The following PBX3 variants were observed in gnomAD, a reference collection of about 807,000 sequenced individuals.
PBX3 encodes PBX homeobox 3, also known as pre-B-cell leukemia transcription factor 3.
A neutral mutation model predicts 48.5 loss-of-function variants in PBX3; 14 were observed. The observed-to-expected ratio is 0.29, with a 90% CI of 0.19 to 0.45. The LOEUF (loss-of-function observed/expected upper bound fraction) is 0.45. Ranked by LOEUF, PBX3 falls within the 20% of genes least tolerant of loss-of-function variation. The pLI is 1.00. For missense variants in PBX3, 386 were observed against 546.7 expected (o/e 0.71, Z 2.93); for synonymous variants, 210 against 200.3 (o/e 1.05, Z -0.41).
At chr9:125,850,872 G>C (rs1431043536) in intron 2 of PBX3, among the ~76,000 whole-genome samples, 1 of 152,042 alleles carries the variant, frequency 6.6e-6, no homozygotes. Flanking sequence ...GGGTGTTAAA[G>C]AGCCGACAGC....
chr9:125,905,297 G>A (rs995610988), intron 2 of PBX3, among the ~76,000 whole-genome samples: 1 of 151,830 alleles, frequency 6.6e-6, no homozygotes, highest in Non-Finnish European at 1.5e-5. Context: ...CCTTTATGCC[G>A]CCAATATCCA....
intron 2 of PBX3, among the ~76,000 whole-genome samples, chr9:125,790,812 T>C (rs1837580572): frequency 6.6e-6 from 1 of 152,236 alleles, no homozygotes; most frequent in Admixed American, 6.5e-5. Context: ...AGTGATCCTC[T>C]CAAAGTGTTG....
chr9:125,912,641 TA>T (rs1183843605), intron 2 of PBX3, among the ~76,000 whole-genome samples: 1 of 152,170 alleles, frequency 6.6e-6, no homozygotes, highest in Non-Finnish European at 1.5e-5. Flanking sequence ...AAATAGGGTT[TA>T]TTTTTTAAAC....
At chr9:125,940,659 T>G (rs367763144) in intron 5 of PBX3, among the ~76,000 whole-genome samples, 2 of 152,338 alleles carry the variant, frequency 1.3e-5, no homozygotes, top group Non-Finnish European at 2.9e-5. Context: ...GGAATGTTAT[T>G]TAACAATGAG....
chr9:125,763,196 G>A (rs1021776809), intron 2 of PBX3, among the ~76,000 whole-genome samples: 3 of 152,170 alleles, frequency 2.0e-5, no homozygotes, highest in African/African-American at 7.2e-5. Flanking sequence ...TCTTTGAAAT[G>A]CCCTTTGTGG....
At chr9:125,748,985 G>A (rs1836290644) in intron 2 of PBX3, 1 of 195,380 alleles carries the variant, frequency 5.1e-6, no homozygotes, top group Non-Finnish European at 1.1e-5. Flanking sequence ...CCAGGACCGA[G>A]TCCCCGGGAG....
chr9:125,752,631 T>C (rs1836406540), intron 2 of PBX3, among the ~76,000 whole-genome samples: 2 of 152,294 alleles, frequency 1.3e-5, no homozygotes, highest in Middle Eastern at 3.4e-3. Context: ...GGAGTCTTTT[T>C]TTGGTGTGCT....
intron 3 of PBX3, among the ~76,000 whole-genome samples, chr9:125,926,471 G>T (rs1325127736): frequency 1.3e-5 from 2 of 152,018 alleles, no homozygotes; most frequent in African/African-American, 4.8e-5. Context: ...AGTGAACCAA[G>T]ATCATGCCAC....
At chr9:125,960,947 AGTGG>A in intron 6 of PBX3, 98 bp downstream of exon 6, 1 of 1,227,842 alleles carries the variant, frequency 8.1e-7, no homozygotes, top group South Asian at 1.5e-5. Flanking sequence ...CTGAGGACAG[AGTGG>A]ACTTAAAAAG....
intron 2 of PBX3, among the ~76,000 whole-genome samples, chr9:125,773,348 G>A (rs1333969732): frequency 6.6e-6 from 1 of 152,178 alleles, no homozygotes; most frequent in Non-Finnish European, 1.5e-5. Flanking sequence ...TAGCCTGGAT[G>A]TCCTTTCAGA....
At chr9:125,944,405 G>A (rs944757392) in intron 5 of PBX3, among the ~76,000 whole-genome samples, 2 of 152,182 alleles carry the variant, frequency 1.3e-5, no homozygotes, top group Admixed American at 6.5e-5. Flanking sequence ...CCTACTATAT[G>A]TCAGGCACTA....
intron 2 of PBX3, among the ~76,000 whole-genome samples, chr9:125,752,797 T>C (rs1274408436): frequency 1.3e-5 from 2 of 152,256 alleles, no homozygotes; most frequent in South Asian, 2.1e-4. Context: ...AATGTTATTA[T>C]ATATTTTGCA....
At chr9:125,787,901 G>A (rs1837500265) in intron 2 of PBX3, among the ~76,000 whole-genome samples, 1 of 152,170 alleles carries the variant, frequency 6.6e-6, no homozygotes, top group Non-Finnish European at 1.5e-5. Flanking sequence ...GAGCTTGTGT[G>A]TCAAAGTGAA....
intron 2 of PBX3, among the ~76,000 whole-genome samples, chr9:125,891,631 CTTT>C (rs1840645624): frequency 6.6e-6 from 1 of 152,142 alleles, no homozygotes; most frequent in African/African-American, 2.4e-5. Context: ...AGTTTGTTTT[CTTT>C]TAAGCCTTAG....
At chr9:125,758,827 T>TAA (rs57746660) in intron 2 of PBX3, among the ~76,000 whole-genome samples, 1 of 152,022 alleles carries the variant, frequency 6.6e-6, no homozygotes, top group African/African-American at 2.4e-5. Flanking sequence ...TGCATTTCTT[T>TAA]AAAAAAAATT....
intron 2 of PBX3, among the ~76,000 whole-genome samples, chr9:125,873,026 C>T (rs1372221969): frequency 6.6e-6 from 1 of 151,544 alleles, no homozygotes; most frequent in Non-Finnish European, 1.5e-5. Flanking sequence ...TGTGAAACCC[C>T]GTCTCTACTA....
chr9:125,864,719 G>A (rs1352650138), intron 2 of PBX3, among the ~76,000 whole-genome samples: 1 of 152,188 alleles, frequency 6.6e-6, no homozygotes, highest in Non-Finnish European at 1.5e-5. Flanking sequence ...AACTCAGGTG[G>A]TAATGCGATG....
At chr9:125,764,977 A>G (rs1335546927) in intron 2 of PBX3, among the ~76,000 whole-genome samples, 1 of 151,930 alleles carries the variant, frequency 6.6e-6, no homozygotes, top group South Asian at 2.1e-4. Context: ...CTAGCCATCT[A>G]AGAAATCCAA....
intron 2 of PBX3, among the ~76,000 whole-genome samples, chr9:125,883,681 TG>T (rs1324882728): frequency 1.3e-5 from 2 of 152,132 alleles, no homozygotes; most frequent in African/African-American, 4.8e-5. Context: ...CAAACTGTGA[TG>T]GGGAAAGTAG....
Sources: gnomAD v4.1 joint callset for allele counts (sites outside exome capture counted in the v4.1 genomes callset) on GRCh38, gnomAD v4.1.1 for gene constraint, MANE v1.5 for transcripts, NCBI Gene and HGNC (gene_info 2026-07-23, HGNC 2026-07-21) for gene names.